LLGL2: variants seen among roughly 807,000 people sequenced by gnomAD.
LLGL2 encodes LLGL scribble cell polarity complex component 2, also known as LLGL2, scribble cell polarity complex component.
LLGL2 carries 81 observed loss-of-function variants against 123.2 expected under a neutral mutation model. The ratio of observed to expected loss-of-function variants is 0.66; its 90% CI spans 0.55 to 0.79. The LOEUF (loss-of-function observed/expected upper bound fraction) is 0.79, where lower values mean the gene tolerates loss of function less well. Among genes scored for constraint, LLGL2 ranks in the 30% least tolerant of loss-of-function variants. The pLI is 0.00. For synonymous variants in LLGL2, 577 were observed against 594.1 expected, an observed-to-expected ratio of 0.97 and a Z score of 0.42; for missense variants, 1,273 against 1,414.6, an observed-to-expected ratio of 0.90 and a Z score of 1.61.
rs2055127277 is a variant in LLGL2, at chr17:75,559,993, A to G, written c.530+583A>G. 6.6e-6 allele frequency among the ~76,000 whole-genome samples: 1 copy of G among 152,144 alleles called. No individual in the cohort carries two copies. The highest frequency in any genetic ancestry group is 2.4e-5 in the African/African-American group (1 of 41,436). On this transcript the variant is annotated intron_variant, in intron 6 of 25. Transcript: ENST00000392550. The surrounding 1 kb of genome is among the most constrained non-coding windows in gnomAD (Gnocchi z 4.6). The stretch of plus-strand genomic sequence containing the variant: ...AAGAGAGGAGATAGCATCTGACAAG[A>G]TCATGTTGGGGCCGGGTCGGTCATG...
Position 75,569,302 on chromosome 17 carries a change from G to A in LLGL2, c.1558G>A (p.Ala520Thr). 2.5e-6 allele frequency: 4 copies of A among 1,613,234 alleles called. No homozygotes were observed. Among genetic ancestry groups the A allele is most frequent in the Non-Finnish European group, 3.4e-6 (4 of 1,179,962 alleles). ...IFLCKYSGYL[A>T]VAGTAGQVLV... is the part of the protein sequence containing the mutation. ...CCTCTGCAAGTACAGCGGCTACCTG[G>A]CTGTGGCAGGCACGGCAGGGCAGGT... Residue 520 changes from alanine to threonine, a missense_variant, in exon 14 of 26, where the codon GCT (alanine) becomes ACT (threonine). Ala to Thr is a moderately conservative substitution (Grantham distance 58). Transcript: ENST00000392550.
At position 75,569,995 on chromosome 17, in the gene LLGL2, G is replaced by A. The variant is rs370262429; in HGVS notation, c.1614G>A (p.Ala538=). The change falls in exon 15 of 26, where the codon GCG becomes GCA. Residue 538 remains alanine, a synonymous_variant. Transcript: ENST00000392550. The part of the protein sequence containing the change: ...VLVLELNDEA[A]EQAVEQVEAD... Reference sequence around the variant, plus strand: ...TACTGGAACTGAATGACGAGGCAGCGGAGCAGGCTGTGGAGCAGGTGGAGG... The same window carrying A: ...TACTGGAACTGAATGACGAGGCAGCAGAGCAGGCTGTGGAGCAGGTGGAGG... 1.3e-4 allele frequency: 207 copies of A among 1,607,346 alleles called. No individual in the cohort carries two copies. Among genetic ancestry groups the A allele is most frequent in the Middle Eastern group, 3.3e-4 (2 of 6,050 alleles).
At position 75,564,240 on chromosome 17, in the gene LLGL2, A is replaced by C; in HGVS notation, c.882-113A>C. 1 of 1,505,996 alleles carries C rather than the reference A, an allele frequency of 6.6e-7. No individual in the cohort carries two copies. The highest frequency in any genetic ancestry group is 8.8e-7 in the Non-Finnish European group (1 of 1,132,410). The allele number at this position is 1,505,996 out of a possible 1,614,324, so 93.3% of individuals were successfully genotyped here. Reference sequence around the variant, plus strand: ...TAGCAGTTGGAAGGAGATGGGGTCCAGTCTCCCCTGCTCCTGGGGACCTTG... The same window carrying C: ...TAGCAGTTGGAAGGAGATGGGGTCCCGTCTCCCCTGCTCCTGGGGACCTTG... On this transcript the variant is annotated intron_variant, in intron 9 of 25. Coordinates refer to ENST00000392550, the MANE Select transcript of LLGL2 (RefSeq NM_001031803.2). The surrounding 1 kb of genome is among the most constrained non-coding windows in gnomAD (Gnocchi z 4.9).
intron 1 of LLGL2, among the ~76,000 whole-genome samples, chr17:75,534,545 A>G (rs1451598840): frequency 6.6e-6 from 1 of 152,060 alleles, no homozygotes; most frequent in Non-Finnish European, 1.5e-5. Flanking sequence ...CAGTGGTGCC[A>G]TCATAGCTCA....
chr17:75,527,767 G>A (rs1415954728), intron 1 of LLGL2, among the ~76,000 whole-genome samples: 3 of 147,790 alleles, frequency 2.0e-5, no homozygotes, highest in Non-Finnish European at 4.5e-5. Context: ...GTGCCCAGCT[G>A]TTAGTAACTT....
At chr17:75,535,916 G>A (rs1375911390) in intron 1 of LLGL2, among the ~76,000 whole-genome samples, 1 of 152,208 alleles carries the variant, frequency 6.6e-6, no homozygotes, top group Admixed American at 6.5e-5. Flanking sequence ...ACAGTGAGGA[G>A]GGAAGGAAAC....
Position 75,559,227 on chromosome 17 carries a change from T to C in LLGL2, c.372-25T>C. ...TCTCCCCTGCTGGGCAGTGGTCGGC[T>C]CACGGGCAGCTGTTCTTGTCACAGG... On this transcript the variant is annotated intron_variant, in intron 5 of 25. Coordinates refer to ENST00000392550, the MANE Select transcript of LLGL2 (RefSeq NM_001031803.2). This position sits in a 1 kb window ranked among gnomAD's most constrained non-coding sequence, Gnocchi z 4.6. 1 of 1,570,044 alleles carries C rather than the reference T, an allele frequency of 6.4e-7. No homozygotes were observed. Among genetic ancestry groups the C allele is most frequent in the Non-Finnish European group, 8.6e-7 (1 of 1,158,842 alleles).
upstream of LLGL2, among the ~76,000 whole-genome samples, chr17:75,525,340 G>C (rs1471999343): frequency 6.6e-6 from 1 of 152,088 alleles, no homozygotes; most frequent in Non-Finnish European, 1.5e-5. The surrounding 1 kb of genome is among the most constrained non-coding windows in gnomAD (Gnocchi z 4.8). Context: ...CCCCTCCCTC[G>C]GCAGCTCCCG....
intron 6 of LLGL2, among the ~76,000 whole-genome samples, chr17:75,560,426 C>CA (rs1555657119): frequency 2.0e-5 from 3 of 151,970 alleles, no homozygotes; most frequent in African/African-American, 7.3e-5. Flanking sequence ...ATCTAGTCGG[C>CA]GGGGGGGCCC....
intron 1 of LLGL2, among the ~76,000 whole-genome samples, chr17:75,527,810 T>C (rs974198133): frequency 2.6e-5 from 4 of 151,784 alleles, no homozygotes; most frequent in Admixed American, 2.6e-4. Context: ...AGAGTCTTGC[T>C]CTGTCACCCA....
intron 19 of LLGL2, among the ~76,000 whole-genome samples, chr17:75,572,344 C>G (rs2055753918): frequency 7.0e-6 from 1 of 143,416 alleles, no homozygotes; most frequent in South Asian, 2.1e-4. Flanking sequence ...TGGTGAAACC[C>G]TGACTACTAA....
At chr17:75,542,394 C>T (rs2054248825) in intron 1 of LLGL2, among the ~76,000 whole-genome samples, 1 of 152,094 alleles carries the variant, frequency 6.6e-6, no homozygotes, top group Non-Finnish European at 1.5e-5. Flanking sequence ...CTTCCTTCCC[C>T]CATCCTGCTG....
chr17:75,558,492 C>G lies in LLGL2; in HGVS notation c.256-20C>G. 1 of 1,556,154 alleles carries G rather than the reference C, an allele frequency of 6.4e-7. No homozygotes were observed. Among genetic ancestry groups the G allele is most frequent in the Middle Eastern group, 1.7e-4 (1 of 5,974 alleles). Reference sequence around the variant, plus strand: ...GCCTGGGTAGCAAGACCACATGATCCCGTCGTGTGCCCTCGCCAGTGCCAG... The same window carrying G: ...GCCTGGGTAGCAAGACCACATGATCGCGTCGTGTGCCCTCGCCAGTGCCAG... On this transcript the variant is annotated intron_variant, in intron 4 of 25. Transcript: ENST00000392550. The surrounding 1 kb of genome is among the most constrained non-coding windows in gnomAD (Gnocchi z 4.0).
At chr17:75,532,926 G>A (rs547994467) in intron 1 of LLGL2, among the ~76,000 whole-genome samples, 2 of 152,306 alleles carry the variant, frequency 1.3e-5, no homozygotes, top group African/African-American at 4.8e-5. Context: ...TCAGTGTTTC[G>A]TGGGGTCAGT....
chr17:75,531,091 G>A (rs1334737176), intron 1 of LLGL2, among the ~76,000 whole-genome samples: 2 of 152,134 alleles, frequency 1.3e-5, no homozygotes, highest in Non-Finnish European at 2.9e-5. Flanking sequence ...CCTGCTGGGT[G>A]GCAGGGCAGA....
intron 1 of LLGL2, among the ~76,000 whole-genome samples, chr17:75,527,682 G>T (rs1022391782): frequency 2.0e-5 from 3 of 151,612 alleles, no homozygotes; most frequent in African/African-American, 7.3e-5. Context: ...GCCCAGGCTG[G>T]TCTCAAACTC....
At position 75,570,437 on chromosome 17, in the gene LLGL2, G is replaced by A. The variant is rs1447203479; in HGVS notation, c.1964G>A (p.Arg655His). Residue 655 changes from arginine (R) to histidine (H), a missense_variant, in exon 16 of 26, where the codon CGC becomes CAC. Physicochemically the swap from Arg to His is conservative, Grantham distance 29. Transcript: ENST00000392550. ...AAGAAGTCCTTGCGTCAGTCATTCC[G>A]CCGGATGCGTCGGAGCCGGGTGTCC... ...SLKKSLRQSF[R>H]RMRRSRVSSR... 4.4e-6 allele frequency: 7 copies of A among 1,602,556 alleles called. No homozygotes were observed. The highest frequency in any genetic ancestry group is 3.4e-5 in the South Asian group (3 of 89,228).
chr17:75,574,294 AG>A, intron 23 of LLGL2, 34 bp downstream of exon 23: 1 of 175,474 alleles, frequency 5.7e-6, no homozygotes, highest in Non-Finnish European at 9.4e-6. Context: ...GGCTGGCAGG[AG>A]GGGTGGGGAA....
intron 2 of LLGL2, among the ~76,000 whole-genome samples, chr17:75,551,546 G>A (rs959346638): frequency 2.0e-5 from 3 of 152,142 alleles, no homozygotes; most frequent in Non-Finnish European, 4.4e-5. Context: ...GAATGAATGC[G>A]GGTGGTTGAA....
Sources: allele counts gnomAD v4.1 joint callset (sites outside exome capture counted in the v4.1 genomes callset), GRCh38; gene constraint gnomAD v4.1.1; non-coding constraint Gnocchi (gnomAD v3.1); transcripts MANE v1.5; gene names NCBI Gene and HGNC (gene_info 2026-07-23, HGNC 2026-07-21).